Variants in PKIB observed in about 807,000 individuals in gnomAD.
PKIB encodes the protein cAMP-dependent protein kinase inhibitor beta, also known as PKI-beta.
PKIB carries 2 observed loss-of-function variants against 4.5 expected under a neutral mutation model. That is an observed-to-expected ratio of 0.44 (90% CI 0.18 to 1.39). PKIB has a LOEUF of 1.39. Ranked by LOEUF, PKIB falls within the 40% of genes most tolerant of loss-of-function variation. The pLI, the probability that PKIB is intolerant of heterozygous loss-of-function variation, is 0.27. For missense variants in PKIB, 94 were observed against 92.6 expected, an observed-to-expected ratio of 1.02 and a Z score of -0.06; for synonymous variants, 38 against 36.0, an observed-to-expected ratio of 1.06 and a Z score of -0.20.
At chr6:122,545,253 G>A (rs375086703) in intron 2 of PKIB, among the ~76,000 whole-genome samples, 2 of 151,876 alleles carry the variant, frequency 1.3e-5, no homozygotes, top group South Asian at 2.1e-4. Context: ...CCCATCAGTC[G>A]TGGACTGGAT....
chr6:122,492,682 T>G (rs1220845563), intron 2 of PKIB, among the ~76,000 whole-genome samples: 1 of 152,142 alleles, frequency 6.6e-6, no homozygotes, highest in Non-Finnish European at 1.5e-5. Context: ...TTTGTTCTTT[T>G]TATATTTTTC....
intron 1 of PKIB, among the ~76,000 whole-genome samples, chr6:122,624,694 G>A (rs989639848): frequency 1.7e-4 from 26 of 152,192 alleles, no homozygotes; most frequent in African/African-American, 6.3e-4. Context: ...ACCATGATGT[G>A]TAGTGGATTA....
chr6:122,671,923 A>T (rs545724076), intron 2 of PKIB, among the ~76,000 whole-genome samples: 1 of 152,264 alleles, frequency 6.6e-6, no homozygotes, highest in South Asian at 2.1e-4. Flanking sequence ...ATAAGTATTT[A>T]TTGTTTTACC....
chr6:122,642,011 A>G (rs1281290851), intron 2 of PKIB, among the ~76,000 whole-genome samples: 1 of 152,326 alleles, frequency 6.6e-6, no homozygotes, highest in East Asian at 1.9e-4. Flanking sequence ...TTAATTTTGA[A>G]TTGAGCTTCA....
intron 2 of PKIB, among the ~76,000 whole-genome samples, chr6:122,528,025 T>C (rs1777144881): frequency 6.6e-6 from 1 of 152,308 alleles, no homozygotes; most frequent in East Asian, 1.9e-4. Flanking sequence ...TGTCAAAGTT[T>C]GCTTCGTATA....
At chr6:122,490,590 T>G (rs1168897684) in intron 2 of PKIB, among the ~76,000 whole-genome samples, 1 of 152,132 alleles carries the variant, frequency 6.6e-6, no homozygotes, top group African/African-American at 2.4e-5. Context: ...ATCTGGGACC[T>G]CTCCCTTCTC....
intron 2 of PKIB, among the ~76,000 whole-genome samples, chr6:122,650,942 C>G (rs566804248): frequency 1.3e-5 from 2 of 152,180 alleles, no homozygotes; most frequent in African/African-American, 4.8e-5. Flanking sequence ...TTTCAGCCAA[C>G]GAACCAAACT....
At chr6:122,563,799 T>C (rs1773101934) in intron 2 of PKIB, among the ~76,000 whole-genome samples, 1 of 152,086 alleles carries the variant, frequency 6.6e-6, no homozygotes, top group African/African-American at 2.4e-5. Context: ...AGGGTCAGTC[T>C]CACTCCCACT....
At chr6:122,702,829 A>G (rs1050036008) in intron 3 of PKIB, among the ~76,000 whole-genome samples, 4 of 152,204 alleles carry the variant, frequency 2.6e-5, no homozygotes, top group Non-Finnish European at 5.9e-5. Context: ...ATAACTTTTT[A>G]TAATAATAAC....
chr6:122,474,287 C>G (rs1185316671), intron 1 of PKIB, among the ~76,000 whole-genome samples: 1 of 152,150 alleles, frequency 6.6e-6, no homozygotes, highest in Non-Finnish European at 1.5e-5. Flanking sequence ...TTCAGATAAG[C>G]TTGGATGGTA....
chr6:122,708,744 C>T (rs1779157467), intron 3 of PKIB, among the ~76,000 whole-genome samples: 1 of 152,166 alleles, frequency 6.6e-6, no homozygotes. Flanking sequence ...AGTGATTCTA[C>T]TGCCTCAGCC....
At chr6:122,481,661 T>G (rs1775611929) in intron 2 of PKIB, 2 of 152,060 alleles carry the variant, frequency 1.3e-5, no homozygotes, top group South Asian at 4.2e-4. Context: ...TACAAAACAG[T>G]ATGTATGTGT....
At chr6:122,515,964 C>T (rs752310938) in intron 2 of PKIB, among the ~76,000 whole-genome samples, 16 of 152,114 alleles carry the variant, frequency 1.1e-4, no homozygotes, top group South Asian at 4.1e-4. Context: ...CTGCCCTCCT[C>T]GGCCTCCCAA....
chr6:122,703,168 C>T (rs573845233), intron 3 of PKIB, among the ~76,000 whole-genome samples: 28 of 152,224 alleles, frequency 1.8e-4, no homozygotes, highest in Non-Finnish European at 3.7e-4. Context: ...GTATAATGTA[C>T]ACATGCATAT....
upstream of PKIB, among the ~76,000 whole-genome samples, chr6:122,608,112 T>G (rs11759536): frequency 0.095 from 14,509 of 152,244 alleles, 827 homozygotes; most frequent in East Asian, 0.18. Flanking sequence ...TCTTTGTACT[T>G]CTAAAACTTC....
intron 2 of PKIB, among the ~76,000 whole-genome samples, chr6:122,562,677 A>G (rs1773069804): frequency 6.6e-6 from 1 of 151,924 alleles, no homozygotes; most frequent in African/African-American, 2.4e-5. Context: ...CTTTGTCTTT[A>G]TTGGATTGGG....
At position 122,701,347 on chromosome 6, in the gene PKIB, AGACATGGTGATCAGAGAGCTCTAG is replaced by A; in HGVS notation, c.-8-16439_-8-16416del. 4 of 1,000,806 alleles carry A rather than the reference AGACATGGTGATCAGAGAGCTCTAG, an allele frequency of 4.0e-6. No homozygotes were observed. The South Asian group carries it at 4.7e-5, about 12-fold the overall frequency. The allele number at this position is 1,000,806 out of a possible 1,614,324, so 62.0% of individuals were successfully genotyped here. On this transcript the variant is annotated intron_variant, in intron 3 of 4. Transcript: ENST00000368452. The stretch of plus-strand genomic sequence containing the variant: ...AGCAGCCAGTGACAGTCACCAGGCT[AGACATGGTGATCAGAGAGCTCTAG>A]CCTGAGCTCTGGTAAGCAGGAATGA...
chr6:122,497,480 C>T (rs1182140980), intron 2 of PKIB, among the ~76,000 whole-genome samples: 3 of 152,160 alleles, frequency 2.0e-5, no homozygotes, highest in Non-Finnish European at 4.4e-5. Context: ...TCAAGAGACT[C>T]AGCCCACATG....
intron 2 of PKIB, among the ~76,000 whole-genome samples, chr6:122,559,402 T>G (rs1034350147): frequency 5.3e-5 from 8 of 152,144 alleles, no homozygotes; most frequent in African/African-American, 1.9e-4. Flanking sequence ...TTGGTCTGTG[T>G]GCCTATTTCT....
Sources: gnomAD v4.1 joint callset for allele counts (sites outside exome capture counted in the v4.1 genomes callset) on GRCh38, gnomAD v4.1.1 for gene constraint, MANE v1.5 for transcripts, NCBI Gene and HGNC (gene_info 2026-07-23, HGNC 2026-07-21) for gene names.